MAPK13: variants seen among roughly 807,000 people sequenced by gnomAD.
MAPK13 encodes mitogen-activated protein kinase 13.
A neutral mutation model predicts 53.5 loss-of-function variants in MAPK13; 39 were observed. That is an observed-to-expected ratio of 0.73 (90% CI 0.56 to 0.95). MAPK13 has a LOEUF of 0.95. Among genes scored for constraint, MAPK13 ranks in the 40% least tolerant of loss-of-function variants. The pLI, the probability that MAPK13 is intolerant of heterozygous loss-of-function variation, is 0.00. For synonymous variants in MAPK13, 179 were observed against 190.9 expected, an observed-to-expected ratio of 0.94 and a Z score of 0.51; for missense variants, 460 against 471.8, an observed-to-expected ratio of 0.98 and a Z score of 0.23.
rs552840991 is a variant in MAPK13, at chr6:36,134,671, T to G, written c.309-1082T>G. ...CCTCAGCCTCTTGAGTAGCTAAGAC[T>G]AAAGGTGCATGCCACCACACCTGGC... is the stretch of plus-strand genomic sequence containing the variant. On this transcript the variant is annotated intron_variant, in intron 3 of 11. Coordinates refer to ENST00000211287, the MANE Select transcript of MAPK13 (RefSeq NM_002754.5). 1.2e-4 allele frequency among the ~76,000 whole-genome samples: 18 copies of G among 152,052 alleles called. No individual in the cohort carries two copies. In the East Asian group the frequency reaches 2.5e-3, roughly 21 times the overall value.
At position 36,131,388 on chromosome 6, in the gene MAPK13, G is replaced by T. The variant is rs143141487; in HGVS notation, c.237G>T (p.Met79Ile). The change falls in exon 2 of 12, where the codon ATG (methionine) becomes ATT (isoleucine). Residue 79 changes from methionine (M) to isoleucine (I), a missense_variant. Coordinates refer to ENST00000211287, the MANE Select transcript of MAPK13 (RefSeq NM_002754.5). Reference protein sequence around the residue: ...AYRELLLLKHMQHENVIGLLD... With the variant: ...AYRELLLLKHIQHENVIGLLD... The stretch of plus-strand genomic sequence containing the variant: ...GGGAGCTGCTGCTGCTGAAGCACAT[G>T]CAGCATGAGAACGTAGGTGGTGGCT... 2.2e-5 allele frequency: 35 copies of T among 1,613,186 alleles called. No individual in the cohort carries two copies. In the African/African-American group the frequency reaches 2.7e-4, roughly 12 times the overall value.
At position 36,136,742 on chromosome 6, in the gene MAPK13, C is replaced by T; in HGVS notation, c.582C>T (p.Ile194=). ...VTRWYRAPEV[I]LSWMHYNQTV... is the part of the protein sequence containing the mutation. Reference sequence around the variant, plus strand: ...GCTGGTACCGAGCCCCCGAGGTGATCCTCAGCTGGATGCACTACAACCAGA... The same window carrying T: ...GCTGGTACCGAGCCCCCGAGGTGATTCTCAGCTGGATGCACTACAACCAGA... The change falls in exon 7 of 12, where the codon ATC becomes ATT. Residue 194 remains isoleucine (I), a synonymous_variant. Coordinates refer to ENST00000211287, the MANE Select transcript of MAPK13 (RefSeq NM_002754.5). 6.2e-7 allele frequency: 1 copy of T among 1,614,090 alleles called. No homozygotes were observed. The highest frequency in any genetic ancestry group is 8.5e-7 in the Non-Finnish European group (1 of 1,179,962).
Position 36,130,952 on chromosome 6 carries a change from G to T in MAPK13, c.119+251G>T, listed in dbSNP as rs1172760211. ...CACTTGCAAGACCCCAGAGTTCATC[G>T]GGCAGATCCTCACTGTTACAGACGA... On this transcript the variant is annotated intron_variant, in intron 1 of 11. Transcript: ENST00000211287. The surrounding 1 kb of genome is among the most constrained non-coding windows in gnomAD (Gnocchi z 4.5). The T allele has an allele frequency of 2.0e-6, 1 of 511,134 alleles. No homozygotes were observed. The highest frequency in any genetic ancestry group is 3.5e-6 in the Non-Finnish European group (1 of 288,296). The allele number at this position is 511,134 out of a possible 1,614,324, so 31.7% of individuals were successfully genotyped here.
chr6:36,132,368 A>G (rs1766338147), intron 2 of MAPK13, among the ~76,000 whole-genome samples: 1 of 152,202 alleles, frequency 6.6e-6, no homozygotes, highest in Non-Finnish European at 1.5e-5. Flanking sequence ...CAATGAGCAC[A>G]CATCATTCTC....
In MAPK13 at chr6:36,136,943, G is replaced by A; in HGVS notation, c.675G>A (p.Gly225=). The change falls in exon 8 of 12, where the codon GGG becomes GGA. Residue 225 remains glycine, a synonymous_variant. Transcript: ENST00000211287. ...TGACAGGGAAAACTCTGTTCAAGGG[G>A]AAAGATTGTATCCTTTGCTGGAAAA... ...EMLTGKTLFK[G]KDYLDQLTQI... The A allele has an allele frequency of 6.2e-7, 1 of 1,614,154 alleles. No individual in the cohort carries two copies. Among genetic ancestry groups the A allele is most frequent in the Non-Finnish European group, 8.5e-7 (1 of 1,179,978 alleles).
At chr6:36,138,621 T>C (rs1766466988) in intron 9 of MAPK13, 81 bp from the exon 10 acceptor site, 8 of 1,438,244 alleles carry the variant, frequency 5.6e-6, no homozygotes, top group Non-Finnish European at 7.8e-6. Flanking sequence ...CTTTCAGCCC[T>C]GCTCTGAGGC....
intron 3 of MAPK13, among the ~76,000 whole-genome samples, chr6:36,134,316 T>TCAAAAA (rs1349467392): frequency 6.6e-6 from 1 of 152,128 alleles, no homozygotes; most frequent in Non-Finnish European, 1.5e-5. Context: ...GCATGTCCTT[T>TCAAAAA]CAAAAACAAC....
In MAPK13 at chr6:36,139,388, T is replaced by C. The variant is rs1239663267; in HGVS notation, c.*15T>C. The C allele has an allele frequency of 1.2e-6, 2 of 1,612,448 alleles. No individual in the cohort carries two copies. The highest frequency in any genetic ancestry group is 2.7e-5 in the African/African-American group (2 of 74,900). On this transcript the variant is annotated 3_prime_UTR_variant, in exon 12 of 12. Transcript: ENST00000211287. Reference sequence around the variant, plus strand: ...TGAAGCTGTAGGGACTCATCTTGCATGGCACCGCCGGCCAGACACTGCCCA... The same window carrying C: ...TGAAGCTGTAGGGACTCATCTTGCACGGCACCGCCGGCCAGACACTGCCCA...
chr6:36,131,225 G>C (rs777151551), intron 1 of MAPK13, 46 bp from the exon 2 acceptor site: 8 of 1,586,660 alleles, frequency 5.0e-6, no homozygotes, highest in Non-Finnish European at 6.9e-6. Flanking sequence ...TGGGAGATAC[G>C]GCCCAGGAGG....
At chr6:36,134,667 A>G (rs531075366) in intron 3 of MAPK13, among the ~76,000 whole-genome samples, 5 of 150,138 alleles carry the variant, frequency 3.3e-5, no homozygotes, top group Non-Finnish European at 7.4e-5. Flanking sequence ...TGAGTAGCTA[A>G]GACTAAAGGT....
chr6:36,139,013 G>A lies in MAPK13; in HGVS notation c.976G>A (p.Asp326Asn), dbSNP rs1233482764. The A allele has an allele frequency of 6.2e-7, 1 of 1,611,956 alleles. No homozygotes were observed. Among genetic ancestry groups the A allele is most frequent in the Admixed American group, 1.7e-5 (1 of 59,308 alleles). The part of the protein sequence containing the change: ...EETEAQQPFD[D>N]SLEHEKLTVD... Reference sequence around the variant, plus strand: ...GACGGAGGCCCAGCAGCCGTTTGATGATTCCTTAGAACACGAGAAACTCAC... The same window carrying A: ...GACGGAGGCCCAGCAGCCGTTTGATAATTCCTTAGAACACGAGAAACTCAC... The change falls in exon 11 of 12, where the codon GAT becomes AAT. Residue 326 changes from aspartate to asparagine, a missense_variant. Coordinates refer to ENST00000211287, the MANE Select transcript of MAPK13 (RefSeq NM_002754.5).
In MAPK13 at chr6:36,140,219, T is replaced by C. The variant is rs900023876; in HGVS notation, c.*846T>C. On this transcript the variant is annotated 3_prime_UTR_variant, in exon 12 of 12. Coordinates refer to ENST00000211287, the MANE Select transcript of MAPK13 (RefSeq NM_002754.5). Reference sequence around the variant, plus strand: ...GCAGAGAGAGCTGCAGCTGGTGCGATTGCATTCAGGTTATTTTGGGTGAGT... The same window carrying C: ...GCAGAGAGAGCTGCAGCTGGTGCGACTGCATTCAGGTTATTTTGGGTGAGT... 2 of 152,280 alleles carry C rather than the reference T, an allele frequency of 1.3e-5. No individual in the cohort carries two copies. Among genetic ancestry groups the C allele is most frequent in the Admixed American group, 6.5e-5 (1 of 15,274 alleles). The allele number at this position is 152,280 out of a possible 1,614,324, so 9.4% of individuals were successfully genotyped here.
Position 36,130,737 on chromosome 6 carries a change from G to GGGGCGGA in MAPK13, c.119+36_119+37insGGGCGGA, listed in dbSNP as rs1554187138. 3.1e-6 allele frequency: 2 copies of GGGGCGGA among 643,208 alleles called. No homozygotes were observed. The highest frequency in any genetic ancestry group is 5.0e-6 in the Non-Finnish European group (2 of 397,130). The allele number at this position is 643,208 out of a possible 1,614,324, so 39.8% of individuals were successfully genotyped here. ...TGGGCCGCTGGGGGGCGGGGGGCGG[G>GGGGCGGA]CGCCAGGCTCTCCCCTTTCCGCCCA... On this transcript the variant is annotated intron_variant, in intron 1 of 11. Coordinates refer to ENST00000211287, the MANE Select transcript of MAPK13 (RefSeq NM_002754.5). This position sits in a 1 kb window ranked among gnomAD's most constrained non-coding sequence, Gnocchi z 4.5.
Position 36,142,087 on chromosome 6 carries a change from C to CT in MAPK13, c.*2715dup, listed in dbSNP as rs1766542740. ...CAAAACCCCTTGTGTTCTCTCTAAT[C>CT]TCATCAGCTCCCACTGCCTCCCCTA... is the stretch of plus-strand genomic sequence containing the variant. On this transcript the variant is annotated 3_prime_UTR_variant, in exon 12 of 12. Coordinates refer to ENST00000211287, the MANE Select transcript of MAPK13 (RefSeq NM_002754.5). This position sits in a 1 kb window ranked among gnomAD's most constrained non-coding sequence, Gnocchi z 4.4. 1 of 152,326 alleles carries CT rather than the reference C, an allele frequency of 6.6e-6. No individual in the cohort carries two copies. Among genetic ancestry groups the CT allele is most frequent in the Non-Finnish European group, 1.5e-5 (1 of 68,104 alleles). 9.4% of individuals were successfully genotyped at this position (152,326 alleles called of 1,614,324 possible). A position where few individuals can be genotyped will look rare whatever the true frequency, so the allele number is the denominator to read the frequency against.
In MAPK13 at chr6:36,139,055, C is replaced by A. The variant is rs1343959443; in HGVS notation, c.1018C>A (p.Gln340Lys). ...GAAACTCACAGTGGATGAATGGAAG[C>A]GTAAGAGCTGGGGCCTCGGGCTTCC... is the stretch of plus-strand genomic sequence containing the variant. ...HEKLTVDEWK[Q>K]HIYKEIVNFS... The change falls in exon 11 of 12, where the codon CAG (glutamine) becomes AAG (lysine). Residue 340 changes from glutamine to lysine, a missense_variant and splice_region_variant. Transcript: ENST00000211287. 3 of 1,588,956 alleles carry A rather than the reference C, an allele frequency of 1.9e-6. No homozygotes were observed. Among genetic ancestry groups the A allele is most frequent in the Non-Finnish European group, 1.7e-6 (2 of 1,169,108 alleles).
At chr6:36,134,714 T>C (rs564676050) in intron 3 of MAPK13, among the ~76,000 whole-genome samples, 10 of 152,096 alleles carry the variant, frequency 6.6e-5, no homozygotes, top group African/African-American at 2.2e-4. Flanking sequence ...TTTTTTTTTT[T>C]CTGAAAGGTG....
chr6:36,136,598 G>C, intron 6 of MAPK13, 58 bp from the exon 7 acceptor site: 1 of 1,604,562 alleles, frequency 6.2e-7, no homozygotes, highest in South Asian at 1.1e-5. Flanking sequence ...CCTGGAAGCC[G>C]CTCCCAGAGC....
rs1034745412 is a variant in MAPK13 at position 36,143,519 on chromosome 6, C to T, written c.*4146C>T. On this transcript the variant is annotated 3_prime_UTR_variant, in exon 12 of 12. Coordinates refer to ENST00000211287, the MANE Select transcript of MAPK13 (RefSeq NM_002754.5). Reference sequence around the variant, plus strand: ...GCTAGGGTGTGGAAAACTGTTTTTCCATGGCCCCAAGCAATGCTATAGCTA... The same window carrying T: ...GCTAGGGTGTGGAAAACTGTTTTTCTATGGCCCCAAGCAATGCTATAGCTA... The T allele has an allele frequency of 2.0e-4, 30 of 152,118 alleles. No homozygotes were observed. The highest frequency in any genetic ancestry group is 7.2e-4 in the African/African-American group (30 of 41,414). 9.4% of individuals were successfully genotyped at this position (152,118 alleles called of 1,614,324 possible).
Position 36,130,689 on chromosome 6 carries a change from A to G in MAPK13, c.107A>G (p.Tyr36Cys), listed in dbSNP as rs761129055. 31 of 1,480,852 alleles carry G rather than the reference A, an allele frequency of 2.1e-5. No individual in the cohort carries two copies. Among genetic ancestry groups the G allele is most frequent in the Non-Finnish European group, 2.8e-5 (30 of 1,088,454 alleles). 91.7% of individuals were successfully genotyped at this position (1,480,852 alleles called of 1,614,324 possible). Residue 36 changes from tyrosine (Y) to cysteine (C), a missense_variant, in exon 1 of 12, where the codon TAT becomes TGT. Physicochemically the swap from Tyr to Cys is radical, Grantham distance 194 (BLOSUM62 -2). Transcript: ENST00000211287. The surrounding 1 kb of genome is among the most constrained non-coding windows in gnomAD (Gnocchi z 4.5). ...VSPTHVGSGA[Y>C]GSVCSAIDKR... ...CCGACGCACGTCGGCAGCGGGGCCT[A>G]TGGCTCCGTGTGGTGAGACCCCTGG...
Sources: gnomAD v4.1 joint callset for allele counts (sites outside exome capture counted in the v4.1 genomes callset) on GRCh38, gnomAD v4.1.1 for gene constraint, Gnocchi (gnomAD v3.1) non-coding constraint, MANE v1.5 for transcripts, NCBI Gene and HGNC (gene_info 2026-07-23, HGNC 2026-07-21) for gene names.